The following TANC2 variants were observed in gnomAD, a reference collection of about 807,000 sequenced individuals.
TANC2 encodes the protein protein TANC2.
A neutral mutation model predicts 210.5 loss-of-function variants in TANC2; 26 were observed. That is an observed-to-expected ratio of 0.12 (90% CI 0.09 to 0.17). The LOEUF (loss-of-function observed/expected upper bound fraction) is 0.17. Ranked by LOEUF, TANC2 falls within the 10% of genes least tolerant of loss-of-function variation. TANC2 has a pLI of 1.00. For synonymous variants in TANC2, 931 were observed against 967.1 expected, an observed-to-expected ratio of 0.96 and a Z score of 0.69; for missense variants, 2,129 against 2,608.9, an observed-to-expected ratio of 0.82 and a Z score of 4.01.
chr17:63,077,293 G>A (rs1381653214), intron 3 of TANC2, among the ~76,000 whole-genome samples: 2 of 152,172 alleles, frequency 1.3e-5, no homozygotes, highest in African/African-American at 2.4e-5. Context: ...TATAAGAATA[G>A]AATTAGATGT....
intron 3 of TANC2, among the ~76,000 whole-genome samples, chr17:63,075,115 A>G (rs960261770): frequency 6.6e-6 from 1 of 152,190 alleles, no homozygotes; most frequent in African/African-American, 2.4e-5. Context: ...TATTATGACT[A>G]TGTCTGGAAT....
intron 3 of TANC2, among the ~76,000 whole-genome samples, chr17:63,083,267 T>C (rs1303430932): frequency 6.6e-6 from 1 of 152,112 alleles, no homozygotes; most frequent in Non-Finnish European, 1.5e-5. Context: ...CCAGACCAAG[T>C]GATGAGAGAA....
At chr17:63,056,684 TA>T (rs1476838368) in intron 2 of TANC2, among the ~76,000 whole-genome samples, 2 of 152,116 alleles carry the variant, frequency 1.3e-5, no homozygotes, top group African/African-American at 4.8e-5. Context: ...GTCTCATAAA[TA>T]AAAAAGGCAA....
At chr17:63,149,618 A>G (rs968878682) in intron 4 of TANC2, 5 of 152,078 alleles carry the variant, frequency 3.3e-5, no homozygotes, top group African/African-American at 1.2e-4. Flanking sequence ...TTACTATATA[A>G]TCATTTTTCC....
intron 5 of TANC2, among the ~76,000 whole-genome samples, chr17:63,184,923 C>T (rs892918804): frequency 6.6e-6 from 1 of 151,808 alleles, no homozygotes; most frequent in Non-Finnish European, 1.5e-5. Flanking sequence ...TGAGCCACTG[C>T]ACCCAGCCCT....
At chr17:63,158,669 G>C (rs891600188) in intron 5 of TANC2, among the ~76,000 whole-genome samples, 1 of 152,136 alleles carries the variant, frequency 6.6e-6, no homozygotes, top group African/African-American at 2.4e-5. Context: ...TGTTTATTGA[G>C]TGTTCTTCAG....
At chr17:63,137,654 A>G (rs981410251) in intron 4 of TANC2, among the ~76,000 whole-genome samples, 1 of 152,184 alleles carries the variant, frequency 6.6e-6, no homozygotes, top group Non-Finnish European at 1.5e-5. Flanking sequence ...TAAAACTCTT[A>G]TTTGTAATGT....
chr17:63,398,910 G>T, exon 19 of TANC2: 1 of 1,588,296 alleles, frequency 6.3e-7, no homozygotes, highest in South Asian at 1.2e-5. Flanking sequence ...TCTGGGGAGA[G>T]ACAGGTACCT....
intron 1 of TANC2, among the ~76,000 whole-genome samples, chr17:62,993,024 T>C (rs2032943828): frequency 6.6e-6 from 1 of 152,226 alleles, no homozygotes; most frequent in African/African-American, 2.4e-5. Flanking sequence ...GGCTTGTGGC[T>C]ACATTGCTCT....
intron 9 of TANC2, among the ~76,000 whole-genome samples, chr17:63,292,000 A>G (rs2044396239): frequency 6.6e-6 from 1 of 152,236 alleles, no homozygotes; most frequent in South Asian, 2.1e-4. Context: ...GTGATATTTC[A>G]TTAACTGTGG....
At chr17:63,344,872 A>G (rs575171182) in intron 12 of TANC2, among the ~76,000 whole-genome samples, 26 of 152,298 alleles carry the variant, frequency 1.7e-4, no homozygotes, top group Non-Finnish European at 3.5e-4. Context: ...GAGGTCATAA[A>G]TAGCCATGCA....
intron 4 of TANC2, among the ~76,000 whole-genome samples, chr17:63,111,736 TA>T (rs557706053): frequency 7.3e-4 from 111 of 152,322 alleles, no homozygotes; most frequent in African/African-American, 2.5e-3. Context: ...TTTATTTATT[TA>T]TTTTTTTGAG....
intron 17 of TANC2, chr17:63,389,924 A>C (rs1236327206): frequency 3.7e-6 from 1 of 267,110 alleles, no homozygotes; most frequent in Non-Finnish European, 7.3e-6. Flanking sequence ...GCAGGCTCTA[A>C]GCCTTTCATG....
chr17:63,001,734 G>A (rs1475980484), intron 1 of TANC2, among the ~76,000 whole-genome samples: 1 of 151,798 alleles, frequency 6.6e-6, no homozygotes, highest in Non-Finnish European at 1.5e-5. Context: ...TTTTAGTAGA[G>A]ACAGGGTTTC....
chr17:63,001,126 G>T (rs928702128), intron 1 of TANC2, among the ~76,000 whole-genome samples: 10 of 152,050 alleles, frequency 6.6e-5, no homozygotes, highest in Non-Finnish European at 1.3e-4. Context: ...CTGTTTTTAT[G>T]ATAATGATAA....
chr17:63,421,876 G>A lies in TANC2; in HGVS notation c.6146G>A (p.Arg2049Lys), dbSNP rs777091535. The A allele has an allele frequency of 6.2e-7, 1 of 1,614,016 alleles. No homozygotes were observed. The highest frequency in any genetic ancestry group is 8.5e-7 in the Non-Finnish European group (1 of 1,179,902). ...CAGGCATACCAGGACAACCTGTACA[G>A]GCAGCTGTCCCGAGACTCTCGGCAA... Residue 2049 changes from arginine (R) to lysine (K), a missense_variant, in exon 28 of 28, where the codon AGG (arginine) becomes AAG (lysine). By Grantham distance (26) the Arg-to-Lys change is conservative. Around this residue, in one of 5 missense-constraint regions of TANC2, gnomAD observed 161 missense variants for 178.6 expected, o/e 0.90. Coordinates refer to ENST00000689528, the Ensembl canonical transcript of TANC2. This position sits in a 1 kb window ranked among gnomAD's most constrained non-coding sequence, Gnocchi z 6.9.
intron 7 of TANC2, among the ~76,000 whole-genome samples, chr17:63,214,105 T>C (rs1051748448): frequency 1.3e-5 from 2 of 152,222 alleles, no homozygotes; most frequent in Non-Finnish European, 2.9e-5. Context: ...ATTTTTCTGC[T>C]AACTCCCTTC....
intron 9 of TANC2, among the ~76,000 whole-genome samples, chr17:63,289,321 T>C (rs934566737): frequency 6.6e-6 from 1 of 152,178 alleles, no homozygotes; most frequent in African/African-American, 2.4e-5. Context: ...TTTACACCTT[T>C]TGTAATTGTT....
chr17:63,172,118 G>T (rs2040423623), intron 5 of TANC2, among the ~76,000 whole-genome samples: 1 of 151,568 alleles, frequency 6.6e-6, no homozygotes, highest in South Asian at 2.1e-4. Context: ...TTATATGCTG[G>T]TTGCCCTGGA....
Sources: allele counts gnomAD v4.1 joint callset (sites outside exome capture counted in the v4.1 genomes callset), GRCh38; gene constraint gnomAD v4.1.1; regional missense constraint gnomAD v4.1.1; non-coding constraint Gnocchi (gnomAD v3.1); transcripts MANE v1.5; gene names NCBI Gene and HGNC (gene_info 2026-07-23, HGNC 2026-07-21).